The following ATP6V1G1 variants were observed in gnomAD, a reference collection of about 807,000 sequenced individuals.
ATP6V1G1 encodes V-type proton ATPase subunit G 1.
Under a neutral mutation model 14.2 loss-of-function variants are expected in ATP6V1G1, and 14 were observed. That is an observed-to-expected ratio of 0.99 (90% confidence interval 0.65 to 1.55). The LOEUF is 1.55. Ranked by LOEUF, ATP6V1G1 falls within the 40% of genes most tolerant of loss-of-function variation. The pLI is 0.00. For synonymous variants in ATP6V1G1, 65 were observed against 53.3 expected (o/e 1.22, Z -0.96); for missense variants, 137 against 146.4 (o/e 0.94, Z 0.33).
At chr9:114,595,837 G>A (rs897076777) in intron 2 of ATP6V1G1, among the ~76,000 whole-genome samples, 10 of 152,066 alleles carry the variant, frequency 6.6e-5, no homozygotes, top group Non-Finnish European at 2.9e-5. Flanking sequence ...AATAGGTAAT[G>A]GAGAGACTCC....
chr9:114,594,794 G>A (rs1845219582), intron 2 of ATP6V1G1, among the ~76,000 whole-genome samples: 1 of 151,860 alleles, frequency 6.6e-6, no homozygotes, highest in Non-Finnish European at 1.5e-5. Context: ...TTATAGAGAT[G>A]GTACTGGTAT....
In ATP6V1G1 at chr9:114,598,691, A is replaced by G. The variant is rs2133562297; in HGVS notation, c.*948A>G. The stretch of plus-strand genomic sequence containing the variant: ...AAGCATATTTCCTTCCTGGTGGGCT[A>G]GATGATGTGCATTATACCTGTAGTA... On this transcript the variant is annotated 3_prime_UTR_variant, in exon 3 of 3. Coordinates refer to ENST00000374050, the MANE Select transcript of ATP6V1G1 (RefSeq NM_004888.4). 6.6e-6 allele frequency among the ~76,000 whole-genome samples: 1 copy of G among 152,340 alleles called. No homozygotes were observed. Among genetic ancestry groups the G allele is most frequent in the East Asian group, 1.9e-4 (1 of 5,186 alleles).
Position 114,597,473 on chromosome 9 carries a change from G to A in ATP6V1G1, c.184-97G>A, listed in dbSNP as rs1339371447. 6 of 1,284,128 alleles carry A rather than the reference G, an allele frequency of 4.7e-6. 1 individual carries two copies. The South Asian group carries it at 1.1e-4, about 24-fold the overall frequency. 79.5% of individuals were successfully genotyped at this position (1,284,128 alleles called of 1,614,324 possible). ...CTGAGTATACTGATAGGTGAGCCTG[G>A]GTTTCTCCAAAAGTCAACAAGTAGC... is the stretch of plus-strand genomic sequence containing the variant. On this transcript the variant is annotated intron_variant, in intron 2 of 2. Coordinates refer to ENST00000374050, the MANE Select transcript of ATP6V1G1 (RefSeq NM_004888.4).
chr9:114,591,366 A>G (rs1426003830), intron 1 of ATP6V1G1, among the ~76,000 whole-genome samples: 1 of 152,232 alleles, frequency 6.6e-6, no homozygotes, highest in Non-Finnish European at 1.5e-5. Flanking sequence ...GAGCTACTGC[A>G]TAATGTTCAG....
chr9:114,595,905 G>A (rs1471399449), intron 2 of ATP6V1G1, among the ~76,000 whole-genome samples: 1 of 152,040 alleles, frequency 6.6e-6, no homozygotes, highest in East Asian at 1.9e-4. Flanking sequence ...ATATATATAT[G>A]TATATATAGT....
chr9:114,588,984 G>A (rs1022240488), intron 1 of ATP6V1G1, among the ~76,000 whole-genome samples: 3 of 152,106 alleles, frequency 2.0e-5, no homozygotes, highest in East Asian at 1.9e-4. Flanking sequence ...AATCGTTGTG[G>A]TCCCTCAGAA....
intron 2 of ATP6V1G1, among the ~76,000 whole-genome samples, chr9:114,594,679 G>A (rs902937267): frequency 6.6e-6 from 1 of 151,968 alleles, no homozygotes; most frequent in Non-Finnish European, 1.5e-5. Flanking sequence ...CACCACGCCT[G>A]GCCCATCTTC....
chr9:114,595,188 A>C lies in ATP6V1G1; in HGVS notation c.184-2382A>C, dbSNP rs1043490647. ...CAGCCAAGCTCTGAATCTTTCTAGC[A>C]GTGTTCCATTGTAACCTCTTTAGTT... On this transcript the variant is annotated intron_variant, in intron 2 of 2. Coordinates refer to ENST00000374050, the MANE Select transcript of ATP6V1G1 (RefSeq NM_004888.4). Among the ~76,000 whole-genome samples, 4 of 152,276 alleles carry C rather than the reference A, an allele frequency of 2.6e-5. No homozygotes were observed. The East Asian group carries it at 7.7e-4, about 29-fold the overall frequency.
At chr9:114,593,447 G>A (rs1294957069) in intron 2 of ATP6V1G1, among the ~76,000 whole-genome samples, 1 of 152,262 alleles carries the variant, frequency 6.6e-6, no homozygotes, top group East Asian at 1.9e-4. Flanking sequence ...AGTGAGTAAA[G>A]GCACATACCT....
At chr9:114,592,399 GTT>G (rs1233542508) in intron 1 of ATP6V1G1, among the ~76,000 whole-genome samples, 151 bp from the exon 2 acceptor site, 1 of 152,168 alleles carries the variant, frequency 6.6e-6, no homozygotes, top group African/African-American at 2.4e-5. Flanking sequence ...AACCTGTACT[GTT>G]TGTTAGCTCT....
chr9:114,593,671 T>G (rs1845206210), intron 2 of ATP6V1G1, among the ~76,000 whole-genome samples: 1 of 152,124 alleles, frequency 6.6e-6, no homozygotes, highest in Admixed American at 6.5e-5. Flanking sequence ...TAATTTTTTT[T>G]TTGTTTTTGT....
chr9:114,596,405 A>G (rs952401356), intron 2 of ATP6V1G1, among the ~76,000 whole-genome samples: 18 of 150,746 alleles, frequency 1.2e-4, no homozygotes, highest in African/African-American at 4.4e-4. Flanking sequence ...AAAAAAAAAA[A>G]GTGTGGGGGC....
intron 1 of ATP6V1G1, among the ~76,000 whole-genome samples, chr9:114,590,510 G>A (rs1029265567): frequency 6.6e-6 from 1 of 151,706 alleles, no homozygotes; most frequent in African/African-American, 2.4e-5. Context: ...TTACTATGTC[G>A]GCCGGGTTCT....
At chr9:114,592,094 G>A (rs1294660929) in intron 1 of ATP6V1G1, among the ~76,000 whole-genome samples, 1 of 152,104 alleles carries the variant, frequency 6.6e-6, no homozygotes, top group Non-Finnish European at 1.5e-5. Context: ...TATATAGTTG[G>A]TTCATTAGTT....
chr9:114,597,600 G>A lies in ATP6V1G1; in HGVS notation c.214G>A (p.Glu72Lys). ...ALGSRGSCST[E>K]VEKETQEKMT... ...GGGATCCCGTGGCAGTTGCAGCACT[G>A]AAGTGGAGAAGGAGACCCAGGAGAA... is the stretch of plus-strand genomic sequence containing the variant. Residue 72 changes from glutamate (E) to lysine (K), a missense_variant, in exon 3 of 3, where the codon GAA becomes AAA. Glu to Lys is a moderately conservative substitution (Grantham distance 56). Coordinates refer to ENST00000374050, the MANE Select transcript of ATP6V1G1 (RefSeq NM_004888.4). 1 of 1,544,492 alleles carries A rather than the reference G, an allele frequency of 6.5e-7. No individual in the cohort carries two copies. The highest frequency in any genetic ancestry group is 2.4e-5 in the East Asian group (1 of 40,976).
chr9:114,588,541 T>TGTGTGTGTGTA, intron 1 of ATP6V1G1, among the ~76,000 whole-genome samples: 1 of 128,514 alleles, frequency 7.8e-6, no homozygotes, highest in Non-Finnish European at 1.7e-5. Flanking sequence ...GTGTGTGTGT[T>TGTGTGTGTGTA]TCTGTCTAAT....
At chr9:114,590,828 C>G (rs1845175714) in intron 1 of ATP6V1G1, among the ~76,000 whole-genome samples, 1 of 152,062 alleles carries the variant, frequency 6.6e-6, no homozygotes, top group Non-Finnish European at 1.5e-5. Flanking sequence ...GATTCTCGCT[C>G]TGTCGCCCCC....
At chr9:114,591,079 C>T (rs562800774) in intron 1 of ATP6V1G1, among the ~76,000 whole-genome samples, 1 of 152,286 alleles carries the variant, frequency 6.6e-6, no homozygotes, top group East Asian at 1.9e-4. Context: ...CAGGCGTGAG[C>T]CAGCGCGCCC....
rs1173847410 is a variant in ATP6V1G1, at chr9:114,598,019, A to G, written c.*276A>G. On this transcript the variant is annotated 3_prime_UTR_variant, in exon 3 of 3. Transcript: ENST00000374050. ...ATGTCTTTTGGCTCAAGCAACATGTATATCAGTGTTGACTTTTTCTTTCTT... is the reference window on the plus strand; with the variant it reads ...ATGTCTTTTGGCTCAAGCAACATGTGTATCAGTGTTGACTTTTTCTTTCTT... The G allele has an allele frequency of 1.5e-5, 3 of 204,864 alleles. No individual in the cohort carries two copies. The highest frequency in any genetic ancestry group is 1.9e-4 in the South Asian group (1 of 5,268). The allele number at this position is 204,864 out of a possible 1,614,324, so 12.7% of individuals were successfully genotyped here. A position where few individuals can be genotyped will look rare whatever the true frequency, so the allele number is the denominator to read the frequency against.
Sources: gnomAD v4.1 joint callset for allele counts (sites outside exome capture counted in the v4.1 genomes callset) on GRCh38, gnomAD v4.1.1 for gene constraint, MANE v1.5 for transcripts, NCBI Gene and HGNC (gene_info 2026-07-23, HGNC 2026-07-21) for gene names.